XPR1: variants seen among roughly 807,000 people sequenced by gnomAD.
The protein encoded by XPR1 is solute carrier family 53 member 1.
Under a neutral mutation model 87.5 loss-of-function variants are expected in XPR1, and 28 were observed. The observed-to-expected ratio is 0.32, with a 90% CI of 0.24 to 0.44. XPR1 has a LOEUF of 0.44. XPR1 is among the 20% of genes least tolerant of loss of function. The probability of loss-of-function intolerance (pLI) is 1.00; values close to 1 mark genes in which losing one functional copy is unlikely to be tolerated. For missense variants in XPR1, 559 were observed against 862.3 expected, an observed-to-expected ratio of 0.65 and a Z score of 4.41; for synonymous variants, 300 against 306.1, an observed-to-expected ratio of 0.98 and a Z score of 0.21.
At chr1:180,646,144 C>T (rs958328443) in intron 1 of XPR1, among the ~76,000 whole-genome samples, 65 of 152,188 alleles carry the variant, frequency 4.3e-4, no homozygotes, top group African/African-American at 1.6e-3. Context: ...GCCTCTGTAT[C>T]CTCTGCTGTT....
At chr1:180,690,793 A>G (rs560765452) in intron 2 of XPR1, among the ~76,000 whole-genome samples, 1 of 150,906 alleles carries the variant, frequency 6.6e-6, no homozygotes, top group East Asian at 1.9e-4. Context: ...ATAGGCATGT[A>G]GTTTACATAT....
chr1:180,754,229 C>T (rs1647639601), intron 2 of XPR1, among the ~76,000 whole-genome samples: 1 of 152,120 alleles, frequency 6.6e-6, no homozygotes, highest in Admixed American at 6.5e-5. Flanking sequence ...TCTATTCTGG[C>T]TACTAGGTTC....
At chr1:180,834,180 C>T (rs555083176) in intron 9 of XPR1, among the ~76,000 whole-genome samples, 1 of 151,902 alleles carries the variant, frequency 6.6e-6, no homozygotes, top group South Asian at 2.1e-4. Flanking sequence ...CTCCCAGGTT[C>T]AAGCAATTCT....
At chr1:180,866,296 G>T (rs1310935599) in intron 12 of XPR1, among the ~76,000 whole-genome samples, 1 of 152,148 alleles carries the variant, frequency 6.6e-6, no homozygotes, top group Non-Finnish European at 1.5e-5. Context: ...GTGGAATCCA[G>T]TGGAGCTTCA....
At chr1:180,662,735 C>T (rs1655821135) in intron 1 of XPR1, among the ~76,000 whole-genome samples, 1 of 152,170 alleles carries the variant, frequency 6.6e-6, no homozygotes, top group Admixed American at 6.6e-5. Context: ...TCTCTCTCCA[C>T]CTCCTTTTTA....
chr1:180,656,241 A>G (rs1216150046), intron 1 of XPR1, among the ~76,000 whole-genome samples: 5 of 142,908 alleles, frequency 3.5e-5, no homozygotes, highest in African/African-American at 5.2e-5. Flanking sequence ...TAACATAATG[A>G]CTTCCAGTTC....
At chr1:180,734,636 A>C (rs537205008) in intron 2 of XPR1, among the ~76,000 whole-genome samples, 2 of 152,210 alleles carry the variant, frequency 1.3e-5, no homozygotes, top group Non-Finnish European at 2.9e-5. Context: ...CAGTGGGCCA[A>C]TTTCACATGT....
intron 2 of XPR1, among the ~76,000 whole-genome samples, chr1:180,744,581 G>GGTCT (rs1659018577): frequency 6.6e-6 from 1 of 151,232 alleles, no homozygotes; most frequent in African/African-American, 2.4e-5. Context: ...TATTATGTTA[G>GGTCT]AAGATTCAAG....
intron 2 of XPR1, among the ~76,000 whole-genome samples, chr1:180,694,968 C>G (rs1657114295): frequency 6.6e-6 from 1 of 152,036 alleles, no homozygotes; most frequent in South Asian, 2.1e-4. Context: ...TCAGAAACCT[C>G]CAATCTGTCG....
intron 1 of XPR1, among the ~76,000 whole-genome samples, chr1:180,672,618 T>A (rs2101932546): frequency 6.6e-6 from 1 of 152,256 alleles, no homozygotes; most frequent in Admixed American, 6.5e-5. Context: ...AATTTTTAGA[T>A]GATGAGACAA....
chr1:180,795,148 C>T (rs572741291), intron 3 of XPR1, among the ~76,000 whole-genome samples: 1 of 152,064 alleles, frequency 6.6e-6, no homozygotes, highest in African/African-American at 2.4e-5. Context: ...TAAAAATATT[C>T]TAAGACACTA....
intron 2 of XPR1, among the ~76,000 whole-genome samples, chr1:180,719,649 T>A (rs901178376): frequency 5.9e-5 from 9 of 152,222 alleles, no homozygotes; most frequent in Non-Finnish European, 1.3e-4. Context: ...CAGAGTGATA[T>A]TTAGATACAT....
chr1:180,639,168 G>A (rs564600446), intron 1 of XPR1, among the ~76,000 whole-genome samples: 2 of 152,108 alleles, frequency 1.3e-5, no homozygotes, highest in African/African-American at 2.4e-5. Flanking sequence ...GTGGTGGCGT[G>A]TGCCTGCTAC....
chr1:180,787,287 T>G (rs12069166), intron 2 of XPR1, among the ~76,000 whole-genome samples: 12 of 76,930 alleles, frequency 1.6e-4, no homozygotes, highest in South Asian at 3.7e-4. Context: ...GTTTTTTTTG[T>G]TTTTTTTTTG....
chr1:180,684,067 C>A (rs1309234317), intron 2 of XPR1, among the ~76,000 whole-genome samples: 5 of 152,112 alleles, frequency 3.3e-5, no homozygotes, highest in African/African-American at 1.2e-4. Flanking sequence ...CCGGTATTGC[C>A]TAGGTTTTCT....
chr1:180,656,348 T>TTATATATA (rs568565933), intron 1 of XPR1, among the ~76,000 whole-genome samples: 3 of 106,376 alleles, frequency 2.8e-5, no homozygotes, highest in African/African-American at 1.2e-4. Context: ...ATTTATATAT[T>TTATATATA]TAATATTTAT....
At chr1:180,670,164 A>G (rs1441273113) in intron 1 of XPR1, among the ~76,000 whole-genome samples, 2 of 152,142 alleles carry the variant, frequency 1.3e-5, no homozygotes, top group African/African-American at 2.4e-5. Context: ...TAGTTGAATC[A>G]TGTATTTTTT....
At chr1:180,745,155 G>C (rs907606961) in intron 2 of XPR1, among the ~76,000 whole-genome samples, 1 of 152,156 alleles carries the variant, frequency 6.6e-6, no homozygotes, top group African/African-American at 2.4e-5. Context: ...TGCTGCTTAG[G>C]TTCAGATCCG....
At chr1:180,807,948 G>C (rs571120752) in intron 6 of XPR1, among the ~76,000 whole-genome samples, 4 of 152,270 alleles carry the variant, frequency 2.6e-5, no homozygotes, top group Admixed American at 2.6e-4. Flanking sequence ...AGGTTGCAGT[G>C]AGCCGAGATC....
Sources: allele counts gnomAD v4.1 joint callset (sites outside exome capture counted in the v4.1 genomes callset), GRCh38; gene constraint gnomAD v4.1.1; transcripts MANE v1.5; gene names NCBI Gene and HGNC (gene_info 2026-07-23, HGNC 2026-07-21).